UVSSA: variants seen among roughly 807,000 people sequenced by gnomAD.
UVSSA encodes the protein UV stimulated scaffold protein A.
Under a neutral mutation model 73.9 loss-of-function variants are expected in UVSSA, and 72 were observed. That is an observed-to-expected ratio of 0.97 (90% CI 0.81 to 1.19). The LOEUF (loss-of-function observed/expected upper bound fraction) is 1.19, where lower values mean the gene tolerates loss of function less well. Ranked by LOEUF, UVSSA falls within the 50% of genes most tolerant of loss-of-function variation. The pLI, the probability that UVSSA is intolerant of heterozygous loss-of-function variation, is 0.00. For synonymous variants in UVSSA, 454 were observed against 391.3 expected (o/e 1.16, Z -1.89); for missense variants, 1,150 against 965.0 (o/e 1.19, Z -2.54).
chr4:1,352,794 A>G (rs548234704), intron 4 of UVSSA, among the ~76,000 whole-genome samples: 1 of 152,348 alleles, frequency 6.6e-6, no homozygotes, highest in Admixed American at 6.5e-5. Context: ...TCTACAGAAA[A>G]GTTAGTTGAG....
chr4:1,378,800 A>G (rs538977446), intron 10 of UVSSA, among the ~76,000 whole-genome samples: 36 of 152,152 alleles, frequency 2.4e-4, no homozygotes, highest in Non-Finnish European at 4.7e-4. Flanking sequence ...GGGGAGCCGC[A>G]TGTACCTCCT....
chr4:1,378,246 G>C lies in UVSSA; in HGVS notation c.1569-1801G>C, dbSNP rs540955845. ...GCAACCACTAGAACAAAGCCGTCCT[G>C]GTACACAGAGGGCTGGCGGGCCCTG... On this transcript the variant is annotated intron_variant, in intron 10 of 13. Transcript: ENST00000389851. 3.3e-5 allele frequency among the ~76,000 whole-genome samples: 5 copies of C among 152,330 alleles called. No homozygotes were observed. The East Asian group carries it at 9.7e-4, about 29-fold the overall frequency.
chr4:1,380,625 G>C (rs1719366803), intron 11 of UVSSA: 2 of 1,513,568 alleles, frequency 1.3e-6, no homozygotes, highest in East Asian at 5.2e-5. Context: ...GGCCATGCTG[G>C]ATGAGGGAGG....
rs1720214432 is a variant in UVSSA at position 1,387,376 on chromosome 4, G to A, written c.*1415G>A. 1 of 152,180 alleles carries A rather than the reference G, an allele frequency of 6.6e-6. No individual in the cohort carries two copies. The highest frequency in any genetic ancestry group is 1.5e-5 in the Non-Finnish European group (1 of 68,028). 9.4% of individuals were successfully genotyped at this position (152,180 alleles called of 1,614,324 possible). On this transcript the variant is annotated 3_prime_UTR_variant, in exon 14 of 14. Transcript: ENST00000389851. ...CAGGTGTGAGCCACCGCACTCAGCTGATTTGCAAAAACTTTCTTCCATACT... is the reference window on the plus strand; with the variant it reads ...CAGGTGTGAGCCACCGCACTCAGCTAATTTGCAAAAACTTTCTTCCATACT...
intron 8 of UVSSA, among the ~76,000 whole-genome samples, chr4:1,367,474 G>C (rs1717486375): frequency 6.6e-6 from 1 of 152,194 alleles, no homozygotes; most frequent in South Asian, 2.1e-4. Flanking sequence ...ACCCATTAAG[G>C]GTGTCATGCC....
intron 7 of UVSSA, among the ~76,000 whole-genome samples, chr4:1,365,048 G>A (rs551856516): frequency 2.6e-5 from 4 of 152,338 alleles, no homozygotes; most frequent in African/African-American, 4.8e-5. Flanking sequence ...AAGGTGAGGC[G>A]GAGAAGAGCT....
chr4:1,395,246 C>T lies in UVSSA; in HGVS notation c.*9285C>T, dbSNP rs527798572. Reference sequence around the variant, plus strand: ...GAGTGCCCGCCTGCTCACACGTGCCCATGTGGAGTGCCCGCCTGCTCACGT... The same window carrying T: ...GAGTGCCCGCCTGCTCACACGTGCCTATGTGGAGTGCCCGCCTGCTCACGT... On this transcript the variant is annotated 3_prime_UTR_variant, in exon 14 of 14. Transcript: ENST00000511216. The T allele has an allele frequency of 3.2e-5, 42 of 1,332,056 alleles. No individual in the cohort carries two copies. In the East Asian group the frequency reaches 1.0e-3, roughly 32 times the overall value. 82.5% of individuals were successfully genotyped at this position (1,332,056 alleles called of 1,614,324 possible). A position where few individuals can be genotyped will look rare whatever the true frequency, so the allele number is the denominator to read the frequency against.
intron 13 of UVSSA, chr4:1,384,385 G>T (rs572730879): frequency 1.3e-4 from 23 of 171,356 alleles, no homozygotes; most frequent in Middle Eastern, 2.7e-3. Flanking sequence ...CCCCAGCAGA[G>T]CCCAGCCCCA....
At chr4:1,351,644 C>G in intron 3 of UVSSA, 71 bp from the exon 4 acceptor site, 6 of 1,530,730 alleles carry the variant, frequency 3.9e-6, no homozygotes, top group Non-Finnish European at 5.4e-6. Context: ...CTGCCTCAGC[C>G]TCCCAAAGTG....
downstream of UVSSA, chr4:1,392,159 C>T (rs537934649): frequency 1.3e-5 from 2 of 152,304 alleles, no homozygotes; most frequent in South Asian, 4.1e-4. Flanking sequence ...ATCAAGTGTT[C>T]AGATGAACTT....
chr4:1,380,063 C>A lies in UVSSA; in HGVS notation c.1585C>A (p.Arg529Ser), dbSNP rs764891315. 4.4e-6 allele frequency: 7 copies of A among 1,608,642 alleles called. No individual in the cohort carries two copies. The highest frequency in any genetic ancestry group is 5.9e-6 in the Non-Finnish European group (7 of 1,177,774). The change falls in exon 11 of 14, where the codon CGC becomes AGC. Residue 529 changes from arginine to serine, a missense_variant. Coordinates refer to ENST00000389851, the MANE Select transcript of UVSSA (RefSeq NM_020894.4). ...TGTCTGCAGGTCTGACTCCCAGCACCGCTTCTGGAAGCCCAGCGAGGTGGA... is the reference window on the plus strand; with the variant it reads ...TGTCTGCAGGTCTGACTCCCAGCACAGCTTCTGGAAGCCCAGCGAGGTGGA... ...GKIVKSDSQHRFWKPSEVEEE... is the reference protein window; with the variant it reads ...GKIVKSDSQHSFWKPSEVEEE...
chr4:1,357,557 G>A (rs1465662313), intron 7 of UVSSA, among the ~76,000 whole-genome samples: 2 of 152,218 alleles, frequency 1.3e-5, no homozygotes, highest in Non-Finnish European at 2.9e-5. Context: ...GCCGTTCCCC[G>A]AGTCAGGACT....
rs138671144 is a variant in UVSSA, at chr4:1,375,739, A to G, written c.1433+231A>G. The stretch of plus-strand genomic sequence containing the variant: ...ACTGGGCCAACAAATACCCTTCCAG[A>G]CACTGCCCGTGCCTCTGAGAGGAGC... On this transcript the variant is annotated intron_variant, in intron 9 of 13. Transcript: ENST00000389851. Among the ~76,000 whole-genome samples, 1,436 of 152,186 alleles carry G rather than the reference A, an allele frequency of 9.4e-3. 26 individuals carry two copies. Among genetic ancestry groups the G allele is most frequent in the African/African-American group, 0.033 (1,365 of 41,530 alleles).
chr4:1,376,469 GC>G (rs1718783795), intron 10 of UVSSA, among the ~76,000 whole-genome samples: 1 of 152,220 alleles, frequency 6.6e-6, no homozygotes, highest in African/African-American at 2.4e-5. Context: ...CCTAAAGGCG[GC>G]CCTGGGGCCC....
At chr4:1,348,040 G>T in intron 1 of UVSSA, 50 bp from the exon 2 acceptor site, 1 of 1,449,176 alleles carries the variant, frequency 6.9e-7, no homozygotes. Flanking sequence ...AACACCGAGA[G>T]CTATAAAATA....
At chr4:1,361,727 C>T (rs991466166) in intron 7 of UVSSA, among the ~76,000 whole-genome samples, 8 of 152,224 alleles carry the variant, frequency 5.3e-5, no homozygotes, top group African/African-American at 1.9e-4. Context: ...GCAATGACGA[C>T]CATCACAGCT....
chr4:1,359,699 C>T (rs1716343207), intron 7 of UVSSA, among the ~76,000 whole-genome samples: 2 of 152,152 alleles, frequency 1.3e-5, no homozygotes, highest in African/African-American at 4.8e-5. Context: ...CCATTGCCCA[C>T]AGAACCAGAG....
exon 14 of UVSSA, chr4:1,395,541 T>TCA (rs750083721): frequency 3.1e-6 from 5 of 1,591,622 alleles, no homozygotes; most frequent in African/African-American, 1.5e-5. Context: ...GCCCGCCTGC[T>TCA]CACACGTGCC....
chr4:1,380,735 C>T (rs755142298), intron 11 of UVSSA, 145 bp from the exon 12 acceptor site: 6 of 1,551,528 alleles, frequency 3.9e-6, no homozygotes, highest in East Asian at 2.4e-5. Flanking sequence ...CTCTGAGGGG[C>T]GCGTGATTCC....
Sources: gnomAD v4.1 joint callset for allele counts (sites outside exome capture counted in the v4.1 genomes callset) on GRCh38, gnomAD v4.1.1 for gene constraint, MANE v1.5 for transcripts, NCBI Gene and HGNC (gene_info 2026-07-23, HGNC 2026-07-21) for gene names.